BABAM2: variants seen among roughly 807,000 people sequenced by gnomAD.
The protein encoded by BABAM2 is BRISC and BRCA1 A complex member 2.
In BABAM2, 31 loss-of-function variants were observed where a neutral mutation model predicts 54.7. That is an observed-to-expected ratio of 0.57 (90% CI 0.43 to 0.77). BABAM2 has a LOEUF of 0.77. Ranked by LOEUF, BABAM2 falls within the 30% of genes least tolerant of loss-of-function variation. The pLI, the probability that BABAM2 is intolerant of heterozygous loss-of-function variation, is 0.00. For synonymous variants in BABAM2, 167 were observed against 162.9 expected (o/e 1.03, Z -0.19); for missense variants, 364 against 455.8 (o/e 0.80, Z 1.83).
intron 4 of BABAM2, among the ~76,000 whole-genome samples, chr2:27,999,507 A>G (rs1673420778): frequency 6.6e-6 from 1 of 152,222 alleles, no homozygotes; most frequent in South Asian, 2.1e-4. Flanking sequence ...TTGAAGTAGA[A>G]TTGTAAGGGG....
At chr2:27,993,725 G>A (rs148436438) in intron 4 of BABAM2, among the ~76,000 whole-genome samples, 89 of 152,192 alleles carry the variant, frequency 5.8e-4, no homozygotes, top group African/African-American at 2.1e-3. Flanking sequence ...GCATCTTCAG[G>A]GTAGTGAACC....
intron 4 of BABAM2, among the ~76,000 whole-genome samples, chr2:28,011,853 G>A (rs903773286): frequency 6.6e-6 from 1 of 152,164 alleles, no homozygotes; most frequent in African/African-American, 2.4e-5. Context: ...CTTGATCTGG[G>A]AGAATGGATA....
At chr2:28,148,442 A>C (rs1671710010) in intron 7 of BABAM2, among the ~76,000 whole-genome samples, 1 of 152,262 alleles carries the variant, frequency 6.6e-6, no homozygotes, top group African/African-American at 2.4e-5. Flanking sequence ...CATTTAGTAC[A>C]TAGTTGGGTT....
chr2:28,102,644 T>A (rs1291858966), intron 6 of BABAM2, among the ~76,000 whole-genome samples: 2 of 152,206 alleles, frequency 1.3e-5, no homozygotes, highest in Non-Finnish European at 2.9e-5. Flanking sequence ...AGTTTTCAGT[T>A]ACAGTAGGTA....
intron 4 of BABAM2, among the ~76,000 whole-genome samples, chr2:27,992,357 G>A (rs1672842914): frequency 6.6e-6 from 1 of 152,098 alleles, no homozygotes; most frequent in Non-Finnish European, 1.5e-5. Context: ...TATGGAACTT[G>A]ACCTCAAGAA....
chr2:28,018,700 C>T (rs748094675), intron 4 of BABAM2, among the ~76,000 whole-genome samples: 1 of 152,098 alleles, frequency 6.6e-6, no homozygotes, highest in Non-Finnish European at 1.5e-5. Context: ...GTCATTCTTG[C>T]AGAACTGAAG....
At chr2:27,915,605 A>G (rs1324999003) in intron 2 of BABAM2, among the ~76,000 whole-genome samples, 2 of 152,244 alleles carry the variant, frequency 1.3e-5, no homozygotes, top group Non-Finnish European at 2.9e-5. Context: ...CTGTAGTTCC[A>G]GATATGCTCA....
At chr2:28,083,341 G>A (rs991557518) in intron 6 of BABAM2, among the ~76,000 whole-genome samples, 4 of 152,034 alleles carry the variant, frequency 2.6e-5, no homozygotes, top group Admixed American at 1.3e-4. Flanking sequence ...TCCTAATCAC[G>A]TTCTTTGTCC....
At chr2:28,022,061 G>A (rs1407263849) in intron 4 of BABAM2, among the ~76,000 whole-genome samples, 1 of 152,170 alleles carries the variant, frequency 6.6e-6, no homozygotes, top group Non-Finnish European at 1.5e-5. Flanking sequence ...ATAAGGAGGA[G>A]CTCTGAGGAT....
At chr2:27,980,157 G>T (rs1043929088) in intron 3 of BABAM2, among the ~76,000 whole-genome samples, 22 of 152,082 alleles carry the variant, frequency 1.4e-4, no homozygotes, top group African/African-American at 5.3e-4. Context: ...TTAGGTGGTT[G>T]TAACACTTCT....
chr2:27,940,743 G>T (rs1177623054), intron 3 of BABAM2, among the ~76,000 whole-genome samples: 1 of 152,124 alleles, frequency 6.6e-6, no homozygotes, highest in Admixed American at 6.5e-5. Flanking sequence ...GAATTTATTT[G>T]TCTTTGTAAG....
intron 11 of BABAM2, among the ~76,000 whole-genome samples, chr2:28,319,990 G>A (rs910431642): frequency 6.6e-6 from 1 of 152,118 alleles, no homozygotes; most frequent in Admixed American, 6.5e-5. Context: ...GGCAGGGAGT[G>A]TTGTCAGAAT....
intron 10 of BABAM2, among the ~76,000 whole-genome samples, chr2:28,254,534 G>T (rs944573963): frequency 2.0e-5 from 3 of 151,212 alleles, no homozygotes; most frequent in Non-Finnish European, 2.9e-5. Context: ...AAAAATTATT[G>T]TAGAAATTTC....
At chr2:28,206,480 A>G (rs1249177885) in intron 7 of BABAM2, among the ~76,000 whole-genome samples, 1 of 152,168 alleles carries the variant, frequency 6.6e-6, no homozygotes, top group Non-Finnish European at 1.5e-5. Context: ...ACAATTGTCC[A>G]TACCTTTTCT....
At chr2:28,129,167 G>T in intron 6 of BABAM2, 104 bp from the exon 7 acceptor site, 1 of 1,032,766 alleles carries the variant, frequency 9.7e-7, no homozygotes, top group South Asian at 1.4e-5. Flanking sequence ...GTGGAATAAG[G>T]GTAACTCACA....
chr2:28,026,945 TATTAATATATATAAATATATATATAA>T (rs1558667927), intron 5 of BABAM2, among the ~76,000 whole-genome samples: 1 of 4,498 alleles, frequency 2.2e-4, no homozygotes, highest in Non-Finnish European at 2.8e-3. Context: ...TATAAATATA[TATTAATATATATAAATATATATATAA>T]ATATATAAAT....
chr2:27,939,750 T>A (rs1440985820), intron 3 of BABAM2, among the ~76,000 whole-genome samples: 1 of 152,242 alleles, frequency 6.6e-6, no homozygotes, highest in African/African-American at 2.4e-5. Flanking sequence ...TCAAAATATT[T>A]TATGTATTGG....
chr2:27,987,878 A>G lies in BABAM2; in HGVS notation c.206-115A>G. On this transcript the variant is annotated intron_variant, in intron 3 of 11. Coordinates refer to ENST00000379624, the MANE Select transcript of BABAM2 (RefSeq NM_199191.3). ...ATTAATCATCTGGAAAGTGCTTTTC[A>G]AATGGTTTTCTTAAACTAATGTAAA... The G allele has an allele frequency of 3.3e-6, 3 of 896,592 alleles. No individual in the cohort carries two copies. In the East Asian group the frequency reaches 7.5e-5, roughly 22 times the overall value. 55.5% of individuals were successfully genotyped at this position (896,592 alleles called of 1,614,324 possible).
In BABAM2 at chr2:28,112,147, T is replaced by TTCTTTCTTTCTTTCCCTCCCTCCC. The variant is rs1558346715; in HGVS notation, c.571-17123_571-17122insCTTTCTTTCTTTCCCTCCCTCCCT. Reference sequence around the variant, plus strand: ...TTTCTTTCTTTCTTTCTTTCTTTCTTTACCTCCCTCCCTCCCTCCCTCCCT... The same window carrying TTCTTTCTTTCTTTCCCTCCCTCCC: ...TTTCTTTCTTTCTTTCTTTCTTTCTTTCTTTCTTTCTTTCCCTCCCTCCCTACCTCCCTCCCTCCCTCCCTCCCT... On this transcript the variant is annotated intron_variant, in intron 6 of 11. Transcript: ENST00000379624. Among the ~76,000 whole-genome samples the TTCTTTCTTTCTTTCCCTCCCTCCC allele has an allele frequency of 2.5e-3, 13 of 5,240 alleles. 2 individuals are homozygous for TTCTTTCTTTCTTTCCCTCCCTCCC. Among genetic ancestry groups the TTCTTTCTTTCTTTCCCTCCCTCCC allele is most frequent in the Non-Finnish European group, 3.2e-3 (10 of 3,156 alleles). The allele number at this position is 5,240 out of a possible 152,430, so 3.4% of individuals were successfully genotyped here. A position where few individuals can be genotyped will look rare whatever the true frequency, so the allele number is the denominator to read the frequency against.
Sources: gnomAD v4.1 joint callset for allele counts (sites outside exome capture counted in the v4.1 genomes callset) on GRCh38, gnomAD v4.1.1 for gene constraint, MANE v1.5 for transcripts, NCBI Gene and HGNC (gene_info 2026-07-23, HGNC 2026-07-21) for gene names.